SPSB1: variants seen among roughly 807,000 people sequenced by gnomAD.
The protein encoded by SPSB1 is splA/ryanodine receptor domain and SOCS box containing 1.
In SPSB1, 8 loss-of-function variants were observed where a neutral mutation model predicts 21.2. The ratio of observed to expected loss-of-function variants is 0.38; its 90% CI spans 0.22 to 0.68. The LOEUF (loss-of-function observed/expected upper bound fraction) is 0.68. Ranked by LOEUF, SPSB1 falls within the 30% of genes least tolerant of loss-of-function variation. SPSB1 has a pLI of 0.53. For missense variants in SPSB1, 242 were observed against 377.8 expected, an observed-to-expected ratio of 0.64 and a Z score of 2.98; for synonymous variants, 169 against 161.7, an observed-to-expected ratio of 1.05 and a Z score of -0.34.
intron 1 of SPSB1, among the ~76,000 whole-genome samples, chr1:9,313,836 G>A (rs904936713): frequency 4.6e-5 from 7 of 152,242 alleles, no homozygotes; most frequent in African/African-American, 9.6e-5. Flanking sequence ...TCGGAGAGGC[G>A]AGATGGCTGG....
In SPSB1 at chr1:9,317,267, A is replaced by C. The variant is rs76049555; in HGVS notation, c.-150+24196A>C. Among the ~76,000 whole-genome samples the C allele has an allele frequency of 0.033, 5,081 of 152,148 alleles. 116 individuals are homozygous for C. The highest frequency in any genetic ancestry group is 0.047 in the Non-Finnish European group (3,226 of 67,986). ...TGGGATGTGTAAGCACTGGAGAGGG[A>C]GGAGGAAGGGAAGAAGGGAATAAAT... On this transcript the variant is annotated intron_variant, in intron 1 of 2. Coordinates refer to ENST00000328089, the MANE Select transcript of SPSB1 (RefSeq NM_025106.4). This position sits in a 1 kb window ranked among gnomAD's most constrained non-coding sequence, Gnocchi z 4.3.
In SPSB1 at chr1:9,328,534, C is replaced by T. The variant is rs72860851; in HGVS notation, c.-149-27209C>T. Among the ~76,000 whole-genome samples, 1,255 of 152,320 alleles carry T rather than the reference C, an allele frequency of 8.2e-3. 21 individuals are homozygous for T. Among genetic ancestry groups the T allele is most frequent in the African/African-American group, 0.028 (1,175 of 41,570 alleles). Reference sequence around the variant, plus strand: ...GAAGAGCTGATTTCTTTCAATGCTTCGTTTTATAAACAGGGACTCTAAGGC... The same window carrying T: ...GAAGAGCTGATTTCTTTCAATGCTTTGTTTTATAAACAGGGACTCTAAGGC... On this transcript the variant is annotated intron_variant, in intron 1 of 2. Transcript: ENST00000328089.
rs182659875 is a variant in SPSB1, at chr1:9,334,441, G to A, written c.-149-21302G>A. On this transcript the variant is annotated intron_variant, in intron 1 of 2. Transcript: ENST00000328089. The stretch of plus-strand genomic sequence containing the variant: ...TCGCCATGTTGACCAGGCTGGTCTC[G>A]AACTTCTGGCCTCAAGTGATCCGCC... 4.9e-3 allele frequency among the ~76,000 whole-genome samples: 740 copies of A among 152,190 alleles called. 9 individuals carry two copies. The highest frequency in any genetic ancestry group is 0.017 in the African/African-American group (692 of 41,518).
intron 1 of SPSB1, among the ~76,000 whole-genome samples, chr1:9,344,934 G>A (rs895959963): frequency 1.3e-5 from 2 of 152,192 alleles, no homozygotes; most frequent in Admixed American, 6.5e-5. Flanking sequence ...CCCATGGAGA[G>A]AGGTCAGAGT....
Position 9,362,413 on chromosome 1 carries a change from C to T in SPSB1, c.695-5035C>T, listed in dbSNP as rs959228853. Among the ~76,000 whole-genome samples, 8 of 152,326 alleles carry T rather than the reference C, an allele frequency of 5.3e-5. No homozygotes were observed. The East Asian group carries it at 1.5e-3, about 29-fold the overall frequency. ...TGGCTGTGCTCTTTCGTAAGAACTG[C>T]GTAGTGTAGAGGAAAACACACACAC... On this transcript the variant is annotated intron_variant, in intron 2 of 2. Transcript: ENST00000328089.
chr1:9,295,531 TG>T (rs1557442222), intron 1 of SPSB1, among the ~76,000 whole-genome samples: 1 of 152,176 alleles, frequency 6.6e-6, no homozygotes, highest in Non-Finnish European at 1.5e-5. Flanking sequence ...CTTGGGCTGC[TG>T]TAGTAAGGCT....
In SPSB1 at chr1:9,305,361, C is replaced by T. The variant is rs1030291648; in HGVS notation, c.-150+12290C>T. Among the ~76,000 whole-genome samples, 2 of 152,270 alleles carry T rather than the reference C, an allele frequency of 1.3e-5. No homozygotes were observed. The highest frequency in any genetic ancestry group is 2.4e-5 in the African/African-American group (1 of 41,474). ...ACCCTGTCACCCAGACACATGCACC[C>T]TCAGCCATGCCAGGGACAGCTGCTG... is the stretch of plus-strand genomic sequence containing the variant. On this transcript the variant is annotated intron_variant, in intron 1 of 2. Transcript: ENST00000328089. The surrounding 1 kb of genome is among the most constrained non-coding windows in gnomAD (Gnocchi z 4.8).
chr1:9,364,516 C>G (rs180850085), intron 2 of SPSB1, among the ~76,000 whole-genome samples: 5 of 152,278 alleles, frequency 3.3e-5, no homozygotes, highest in African/African-American at 1.2e-4. Flanking sequence ...GTGTTTTACC[C>G]GAGGGAAACC....
At chr1:9,325,001 ATT>A (rs1557453205) in intron 1 of SPSB1, among the ~76,000 whole-genome samples, 1 of 152,140 alleles carries the variant, frequency 6.6e-6, no homozygotes, top group Non-Finnish European at 1.5e-5. Context: ...AGGCAGCCCC[ATT>A]GGGAGCCACA....
At chr1:9,310,695 T>TA (rs771323541) in intron 1 of SPSB1, among the ~76,000 whole-genome samples, 2,135 of 143,292 alleles carry the variant, frequency 0.015, 40 homozygotes, top group African/African-American at 0.049. Flanking sequence ...GACCTTGTCT[T>TA]AAAAAAAAAA....
intron 1 of SPSB1, among the ~76,000 whole-genome samples, chr1:9,352,961 G>T (rs1247706261): frequency 6.6e-6 from 1 of 151,876 alleles, no homozygotes; most frequent in Non-Finnish European, 1.5e-5. Flanking sequence ...AGCGGCAGGG[G>T]GGCTGTGGAG....
At chr1:9,327,291 G>A (rs549102175) in intron 1 of SPSB1, among the ~76,000 whole-genome samples, 55 of 152,342 alleles carry the variant, frequency 3.6e-4, no homozygotes, top group African/African-American at 1.2e-3. Context: ...CATAATGTAT[G>A]TAATCTATCG....
chr1:9,335,117 G>A (rs530217505), intron 1 of SPSB1, among the ~76,000 whole-genome samples: 51 of 152,230 alleles, frequency 3.4e-4, no homozygotes, highest in Middle Eastern at 3.4e-3. Context: ...AGGAATTGCC[G>A]TATTGTTTTC....
intron 1 of SPSB1, among the ~76,000 whole-genome samples, chr1:9,316,674 C>T (rs879762271): frequency 9.9e-5 from 15 of 152,216 alleles, no homozygotes; most frequent in Non-Finnish European, 1.6e-4. Flanking sequence ...GGTGGTCAGC[C>T]GTGACTCCCG....
chr1:9,292,964 C>T lies in SPSB1; in HGVS notation c.-257C>T, dbSNP rs1166847290. The T allele has an allele frequency of 3.1e-6, 3 of 981,996 alleles. No individual in the cohort carries two copies. Among genetic ancestry groups the T allele is most frequent in the African/African-American group, 3.5e-5 (2 of 56,926 alleles). 60.8% of individuals were successfully genotyped at this position (981,996 alleles called of 1,614,324 possible). ...CAGGCTCCAGGCGCCGGCGCCGGGGCCGGGGCCGCGGGGAGGAGGCGACTT... is the reference window on the plus strand; with the variant it reads ...CAGGCTCCAGGCGCCGGCGCCGGGGTCGGGGCCGCGGGGAGGAGGCGACTT... On this transcript the variant is annotated 5_prime_UTR_variant, in exon 1 of 3. Transcript: ENST00000328089.
chr1:9,306,332 G>C (rs1291357422), intron 1 of SPSB1, among the ~76,000 whole-genome samples: 1 of 152,246 alleles, frequency 6.6e-6, no homozygotes, highest in Non-Finnish European at 1.5e-5. Flanking sequence ...AGCAGAGCTG[G>C]AGTGGGAGGG....
intron 1 of SPSB1, among the ~76,000 whole-genome samples, chr1:9,309,939 G>A (rs1639489222): frequency 1.3e-5 from 2 of 152,310 alleles, no homozygotes; most frequent in Non-Finnish European, 2.9e-5. Context: ...TGGTCATTTT[G>A]TTTGGCTGTG....
Position 9,349,707 on chromosome 1 carries a change from C to T in SPSB1, c.-149-6036C>T, listed in dbSNP as rs962043119. The stretch of plus-strand genomic sequence containing the variant: ...ATCCAGATGAGATGCAGCTGTCTTC[C>T]GTGACTCACGGCCTCTGGGCCAGTT... On this transcript the variant is annotated intron_variant, in intron 1 of 2. Transcript: ENST00000328089. Among the ~76,000 whole-genome samples, 13 of 152,256 alleles carry T rather than the reference C, an allele frequency of 8.5e-5. No homozygotes were observed. In the East Asian group the frequency reaches 1.2e-3, roughly 14 times the overall value.
chr1:9,313,446 A>G (rs765376540), intron 1 of SPSB1, among the ~76,000 whole-genome samples: 3 of 152,232 alleles, frequency 2.0e-5, no homozygotes, highest in Non-Finnish European at 4.4e-5. Flanking sequence ...TAACTTGCCC[A>G]GGGCTGCACA....
Sources: allele counts gnomAD v4.1 joint callset (sites outside exome capture counted in the v4.1 genomes callset), GRCh38; gene constraint gnomAD v4.1.1; non-coding constraint Gnocchi (gnomAD v3.1); transcripts MANE v1.5; gene names NCBI Gene and HGNC (gene_info 2026-07-23, HGNC 2026-07-21).